MACROD1: variants seen among roughly 807,000 people sequenced by gnomAD.
The protein encoded by MACROD1 is ADP-ribose glycohydrolase MACROD1.
A neutral mutation model predicts 41.4 loss-of-function variants in MACROD1; 31 were observed. That is an observed-to-expected ratio of 0.75 (90% CI 0.56 to 1.01). The LOEUF is 1.01. MACROD1 is among the 50% of genes least tolerant of loss of function. MACROD1 has a pLI of 0.00. For missense variants in MACROD1, 473 were observed against 460.0 expected, an observed-to-expected ratio of 1.03 and a Z score of -0.26; for synonymous variants, 252 against 203.4, an observed-to-expected ratio of 1.24 and a Z score of -2.03.
chr11:64,129,726 G>C (rs1405508673), intron 3 of MACROD1, among the ~76,000 whole-genome samples: 1 of 152,184 alleles, frequency 6.6e-6, no homozygotes, highest in Non-Finnish European at 1.5e-5. Context: ...CCAGGTCCAC[G>C]GCCTGCTGAA....
intron 3 of MACROD1, among the ~76,000 whole-genome samples, chr11:64,021,932 CCGG>C (rs869307134): frequency 0.19 from 960 of 5,038 alleles, 155 homozygotes; most frequent in South Asian, 0.39. Flanking sequence ...TGGCAGGGGG[CCGG>C]GGGGGGGGGG....
At chr11:63,999,220 G>A in intron 8 of MACROD1, 111 bp downstream of exon 8, 1 of 1,419,486 alleles carries the variant, frequency 7.0e-7, no homozygotes, top group Non-Finnish European at 9.6e-7. Context: ...AACAGGGAAG[G>A]AAGGGGCGGG....
chr11:64,019,102 T>C (rs940975679), intron 3 of MACROD1, among the ~76,000 whole-genome samples: 2 of 152,112 alleles, frequency 1.3e-5, no homozygotes, highest in Non-Finnish European at 2.9e-5. Flanking sequence ...GGGCGGGGCC[T>C]CCCGGCAGCA....
At chr11:64,012,008 C>T (rs1943022887) in intron 4 of MACROD1, among the ~76,000 whole-genome samples, 1 of 152,166 alleles carries the variant, frequency 6.6e-6, no homozygotes, top group African/African-American at 2.4e-5. Flanking sequence ...CCACCACCTC[C>T]ACTGTGTTCC....
chr11:64,146,898 C>G lies in MACROD1; in HGVS notation c.517+4341G>C, dbSNP rs998736646. On this transcript the variant is annotated intron_variant, in intron 3 of 10. Transcript: ENST00000255681. This position sits in a 1 kb window ranked among gnomAD's most constrained non-coding sequence, Gnocchi z 4.7. The stretch of plus-strand genomic sequence containing the variant: ...GCACAGACACAAACATGCTACATCA[C>G]AAACACACGCACCGCACACATCACA... Among the ~76,000 whole-genome samples, 10 of 150,946 alleles carry G rather than the reference C, an allele frequency of 6.6e-5. No individual in the cohort carries two copies. The highest frequency in any genetic ancestry group is 2.4e-4 in the African/African-American group (10 of 40,982).
At chr11:64,135,904 T>C (rs1177320356) in intron 3 of MACROD1, among the ~76,000 whole-genome samples, 1 of 152,126 alleles carries the variant, frequency 6.6e-6, no homozygotes, top group Non-Finnish European at 1.5e-5. Flanking sequence ...CTTCCCCCAC[T>C]AAGCTCCCTG....
intron 1 of MACROD1, 60 bp from the exon 2 acceptor site, chr11:64,152,453 C>T: frequency 2.3e-6 from 3 of 1,278,954 alleles, no homozygotes; most frequent in Non-Finnish European, 3.4e-6. Context: ...GGGCTTGCAC[C>T]CCCACATCTC....
At chr11:64,095,792 G>A (rs1243834604) in intron 3 of MACROD1, among the ~76,000 whole-genome samples, 1 of 152,240 alleles carries the variant, frequency 6.6e-6, no homozygotes, top group South Asian at 2.1e-4. Flanking sequence ...TGAGCAGGGG[G>A]CTCCTGAAAT....
intron 4 of MACROD1, among the ~76,000 whole-genome samples, chr11:64,002,552 A>T (rs763938376): frequency 8.5e-5 from 13 of 152,130 alleles, no homozygotes; most frequent in Non-Finnish European, 1.5e-4. Flanking sequence ...GGTCACTGTC[A>T]GCCCACTGCT....
intron 3 of MACROD1, among the ~76,000 whole-genome samples, chr11:64,102,308 C>T (rs779872587): frequency 7.9e-5 from 12 of 152,184 alleles, no homozygotes; most frequent in Non-Finnish European, 1.3e-4. Flanking sequence ...CCAGAACAGC[C>T]TGCCCTGCCC....
intron 3 of MACROD1, chr11:64,116,114 G>C: frequency 1.6e-6 from 2 of 1,237,214 alleles, no homozygotes; most frequent in Non-Finnish European, 2.2e-6. Flanking sequence ...CCGGACTTCG[G>C]TCACCCCTTG....
intron 3 of MACROD1, among the ~76,000 whole-genome samples, chr11:64,063,902 C>A (rs190992220): frequency 1.3e-5 from 2 of 152,198 alleles, no homozygotes; most frequent in Non-Finnish European, 2.9e-5. Context: ...GGGGACCAGC[C>A]GGGCCCTCCC....
Position 64,053,533 on chromosome 11 carries a change from A to T in MACROD1, c.518-38252T>A, listed in dbSNP as rs374792075. ...GGGTTGGGGAGGCAAGGCTGGTCTG[A>T]GGCTGTAGGGACAACCCTGGACTCA... On this transcript the variant is annotated intron_variant, in intron 3 of 10. Coordinates refer to ENST00000255681, the MANE Select transcript of MACROD1 (RefSeq NM_014067.4). 1.8e-4 allele frequency among the ~76,000 whole-genome samples: 27 copies of T among 152,176 alleles called. No homozygotes were observed. The East Asian group carries it at 4.9e-3, about 27-fold the overall frequency.
chr11:64,150,865 C>T (rs1945564582), intron 3 of MACROD1, among the ~76,000 whole-genome samples: 1 of 152,204 alleles, frequency 6.6e-6, no homozygotes, highest in African/African-American at 2.4e-5. Flanking sequence ...AGGTCTGAAG[C>T]GGGGGCAGGC....
At chr11:64,127,330 C>T (rs1164779006) in intron 3 of MACROD1, among the ~76,000 whole-genome samples, 1 of 152,262 alleles carries the variant, frequency 6.6e-6, no homozygotes, top group Non-Finnish European at 1.5e-5. Flanking sequence ...GGCACCCCAT[C>T]GGGCCAGGGG....
chr11:64,030,069 A>G lies in MACROD1; in HGVS notation c.518-14788T>C, dbSNP rs141715207. ...GGAACAACCACCCCCCGGGTGACAC[A>G]GTCTTGCCTTTGCCCAGGCCTGCGT... is the stretch of plus-strand genomic sequence containing the variant. On this transcript the variant is annotated intron_variant, in intron 3 of 10. Coordinates refer to ENST00000255681, the MANE Select transcript of MACROD1 (RefSeq NM_014067.4). Among the ~76,000 whole-genome samples, 574 of 152,072 alleles carry G rather than the reference A, an allele frequency of 3.8e-3. 4 individuals carry two copies. The highest frequency in any genetic ancestry group is 0.013 in the African/African-American group (548 of 41,474).
At chr11:64,002,941 C>G (rs1443081479) in intron 4 of MACROD1, among the ~76,000 whole-genome samples, 1 of 152,198 alleles carries the variant, frequency 6.6e-6, no homozygotes, top group Non-Finnish European at 1.5e-5. Flanking sequence ...TTCACAGGAG[C>G]TGACCAACCC....
intron 3 of MACROD1, among the ~76,000 whole-genome samples, chr11:64,142,325 T>G (rs1945425097): frequency 6.6e-6 from 1 of 151,974 alleles, no homozygotes; most frequent in African/African-American, 2.4e-5. Flanking sequence ...AGCTCAGGAG[T>G]TTGAGATCAG....
intron 3 of MACROD1, chr11:64,118,052 G>A: frequency 6.2e-7 from 1 of 1,613,188 alleles, no homozygotes; most frequent in Non-Finnish European, 8.5e-7. Flanking sequence ...GGGGCAGCAG[G>A]AAAAAGGATG....
Sources: gnomAD v4.1 joint callset for allele counts (sites outside exome capture counted in the v4.1 genomes callset) on GRCh38, gnomAD v4.1.1 for gene constraint, Gnocchi (gnomAD v3.1) non-coding constraint, MANE v1.5 for transcripts, NCBI Gene and HGNC (gene_info 2026-07-23, HGNC 2026-07-21) for gene names.